QPCT: variants seen among roughly 807,000 people sequenced by gnomAD.
The protein encoded by QPCT is glutaminyl-peptide cyclotransferase.
QPCT carries 44 observed loss-of-function variants against 43.4 expected under a neutral mutation model. That is an observed-to-expected ratio of 1.01 (90% CI 0.80 to 1.30). The LOEUF (loss-of-function observed/expected upper bound fraction) is 1.30, where lower values mean the gene tolerates loss of function less well. Ranked by LOEUF, QPCT falls within the 50% of genes most tolerant of loss-of-function variation. The pLI is 0.00. For synonymous variants in QPCT, 168 were observed against 168.4 expected (o/e 1.00, Z 0.02); for missense variants, 526 against 436.5 (o/e 1.21, Z -1.83).
At chr2:37,361,633 C>A (rs1173737413) in intron 3 of QPCT, among the ~76,000 whole-genome samples, 5 of 152,216 alleles carry the variant, frequency 3.3e-5, no homozygotes, top group Admixed American at 3.3e-4. Flanking sequence ...GGAGCAGAAC[C>A]AACCTTGCTG....
chr2:37,355,341 C>G (rs1249767452), intron 2 of QPCT, among the ~76,000 whole-genome samples: 1 of 152,000 alleles, frequency 6.6e-6, no homozygotes, highest in Non-Finnish European at 1.5e-5. Context: ...CTTAATTTGA[C>G]TAAGATTAGA....
chr2:37,372,259 CAT>C (rs1572740128), intron 5 of QPCT, 95 bp from the exon 6 acceptor site: 7 of 864,828 alleles, frequency 8.1e-6, no homozygotes, highest in African/African-American at 6.6e-5. Context: ...ATTATGGACA[CAT>C]GTGCTAAGAT....
intron 1 of QPCT, among the ~76,000 whole-genome samples, chr2:37,351,985 C>T (rs1246892606): frequency 2.0e-5 from 3 of 150,260 alleles, no homozygotes; most frequent in Non-Finnish European, 3.0e-5. Flanking sequence ...AGCCAGATTG[C>T]ACCACTGCAC....
chr2:37,346,211 C>G (rs1672486691), intron 1 of QPCT, among the ~76,000 whole-genome samples: 1 of 152,218 alleles, frequency 6.6e-6, no homozygotes, highest in South Asian at 2.1e-4. Context: ...GCAGGCCCCA[C>G]TTACACATGG....
chr2:37,359,927 A>T, intron 3 of QPCT, 69 bp downstream of exon 3: 1 of 1,494,196 alleles, frequency 6.7e-7, no homozygotes, highest in Non-Finnish European at 9.1e-7. Context: ...GAATTCTAGA[A>T]TCCTTGGAGG....
intron 1 of QPCT, among the ~76,000 whole-genome samples, chr2:37,347,514 C>G (rs916838846): frequency 6.6e-6 from 1 of 151,766 alleles, no homozygotes; most frequent in Non-Finnish European, 1.5e-5. Context: ...AGATGAAGAG[C>G]TTACTCTCTC....
At chr2:37,369,038 C>T (rs1245978024) in intron 4 of QPCT, among the ~76,000 whole-genome samples, 3 of 152,012 alleles carry the variant, frequency 2.0e-5, no homozygotes, top group Admixed American at 2.0e-4. Context: ...TTTATCCACA[C>T]ATTATTTTAC....
chr2:37,347,104 C>T (rs1672502876), intron 1 of QPCT, among the ~76,000 whole-genome samples: 1 of 130,414 alleles, frequency 7.7e-6, no homozygotes, highest in Non-Finnish European at 1.5e-5. Context: ...GGGCACACAC[C>T]TGTGTATTTA....
chr2:37,350,648 C>A (rs1212836526), intron 1 of QPCT, among the ~76,000 whole-genome samples: 1 of 152,166 alleles, frequency 6.6e-6, no homozygotes, highest in Non-Finnish European at 1.5e-5. Flanking sequence ...TGTGGATTTA[C>A]CTGTAACTCT....
chr2:37,368,055 G>T (rs1238246700), intron 4 of QPCT, among the ~76,000 whole-genome samples: 1 of 152,118 alleles, frequency 6.6e-6, no homozygotes, highest in African/African-American at 2.4e-5. Context: ...GCCTTTATAA[G>T]TCTGAAGAAC....
rs1558599232 is a variant in QPCT at position 37,347,150 on chromosome 2, A to ATATATATATATATATATATATATATATAT, written c.120+2313_120+2314insTATATATATATATATTATATATATATATA. On this transcript the variant is annotated intron_variant, in intron 1 of 6. Coordinates refer to ENST00000338415, the MANE Select transcript of QPCT (RefSeq NM_012413.4). The stretch of plus-strand genomic sequence containing the variant: ...CATCTGGGTATGGGGTGTTTTATAT[A>ATATATATATATATATATATATATATATAT]TATATATATATATAACATATATATA... 1.4e-4 allele frequency among the ~76,000 whole-genome samples: 9 copies of ATATATATATATATATATATATATATATAT among 62,846 alleles called. 2 individuals carry two copies. In the East Asian group the frequency reaches 0.015, roughly 102 times the overall value. 41.2% of individuals were successfully genotyped at this position (62,846 alleles called of 152,430 possible).
Position 37,359,184 on chromosome 2 carries a change from A to C in QPCT, c.268-396A>C, listed in dbSNP as rs111754050. 5.2e-3 allele frequency among the ~76,000 whole-genome samples: 785 copies of C among 151,868 alleles called. 3 individuals are homozygous for C. Among genetic ancestry groups the C allele is most frequent in the Non-Finnish European group, 9.1e-3 (618 of 68,018 alleles). Reference sequence around the variant, plus strand: ...AGAAAAGCAAGGGGAGAGTAATATAAAAAGTAGGATTCTTTTCCTACAAAA... The same window carrying C: ...AGAAAAGCAAGGGGAGAGTAATATACAAAGTAGGATTCTTTTCCTACAAAA... On this transcript the variant is annotated intron_variant, in intron 2 of 6. Coordinates refer to ENST00000338415, the MANE Select transcript of QPCT (RefSeq NM_012413.4).
chr2:37,356,213 G>T (rs1672741996), intron 2 of QPCT, among the ~76,000 whole-genome samples: 1 of 152,084 alleles, frequency 6.6e-6, no homozygotes, highest in Non-Finnish European at 1.5e-5. Context: ...CCACTCTTTG[G>T]AAGTAGACTA....
At chr2:37,353,821 C>T (rs1263989981) in intron 2 of QPCT, among the ~76,000 whole-genome samples, 3 of 152,258 alleles carry the variant, frequency 2.0e-5, no homozygotes, top group East Asian at 1.9e-4. Flanking sequence ...TTGGCACCCA[C>T]TGCTGTGCCT....
At position 37,352,852 on chromosome 2, in the gene QPCT, A is replaced by G. The variant is rs1672651703; in HGVS notation, c.184A>G (p.Ile62Val). 3 of 1,614,206 alleles carry G rather than the reference A, an allele frequency of 1.9e-6. No individual in the cohort carries two copies. Among genetic ancestry groups the G allele is most frequent in the Middle Eastern group, 3.3e-4 (2 of 6,062 alleles). The change falls in exon 2 of 7, where the codon ATC (isoleucine) becomes GTC (valine). Residue 62 changes from isoleucine (I) to valine (V), a missense_variant. Coordinates refer to ENST00000338415, the MANE Select transcript of QPCT (RefSeq NM_012413.4). Reference sequence around the variant, plus strand: ...TCGGCAAATTGCAGAAGGCACCAGTATCTCTGAAATGTGGCAAAATGACTT... The same window carrying G: ...TCGGCAAATTGCAGAAGGCACCAGTGTCTCTGAAATGTGGCAAAATGACTT... ...ALRQIAEGTS[I>V]SEMWQNDLQP...
At chr2:37,353,870 G>T (rs573846677) in intron 2 of QPCT, among the ~76,000 whole-genome samples, 89 of 152,264 alleles carry the variant, frequency 5.8e-4, no homozygotes, top group African/African-American at 2.1e-3. Flanking sequence ...CAGCTCTTGA[G>T]CTCTTCCTTT....
Position 37,372,488 on chromosome 2 carries a change from G to A in QPCT, c.940+16G>A. The A allele has an allele frequency of 6.4e-7, 1 of 1,574,092 alleles. No homozygotes were observed. The highest frequency in any genetic ancestry group is 8.7e-7 in the Non-Finnish European group (1 of 1,143,798). On this transcript the variant is annotated intron_variant, in intron 6 of 6. Transcript: ENST00000338415. ...TTAAGAAGAGGTAATGTGTGTGTGT[G>A]TGTGTGTTTGTGTGTGTGTGCGTGC...
At chr2:37,350,398 CTG>C (rs530341649) in intron 1 of QPCT, among the ~76,000 whole-genome samples, 79 of 152,346 alleles carry the variant, frequency 5.2e-4, no homozygotes, top group African/African-American at 1.8e-3. Flanking sequence ...TCTTTTCCAA[CTG>C]TTGTTTGGGA....
At chr2:37,345,142 T>C (rs1672455613) in intron 1 of QPCT, among the ~76,000 whole-genome samples, 1 of 152,248 alleles carries the variant, frequency 6.6e-6, no homozygotes, top group African/African-American at 2.4e-5. Flanking sequence ...GAAATGTGTC[T>C]CGCCGGCGGC....
Sources: gnomAD v4.1 joint callset for allele counts (sites outside exome capture counted in the v4.1 genomes callset) on GRCh38, gnomAD v4.1.1 for gene constraint, MANE v1.5 for transcripts, NCBI Gene and HGNC (gene_info 2026-07-23, HGNC 2026-07-21) for gene names.